The following GRID2 variants were observed in gnomAD, a reference collection of about 807,000 sequenced individuals.
GRID2 encodes the protein glutamate ionotropic receptor delta type subunit 2.
A neutral mutation model predicts 114.8 loss-of-function variants in GRID2; 33 were observed. That is an observed-to-expected ratio of 0.29 (90% CI 0.22 to 0.38). The LOEUF (loss-of-function observed/expected upper bound fraction) is 0.38. GRID2 is among the 10% of genes least tolerant of loss of function. The probability of loss-of-function intolerance (pLI) is 1.00; values close to 1 mark genes in which losing one functional copy is unlikely to be tolerated. For missense variants in GRID2, 1,184 were observed against 1,257.7 expected, an observed-to-expected ratio of 0.94 and a Z score of 0.89; for synonymous variants, 505 against 449.9, an observed-to-expected ratio of 1.12 and a Z score of -1.55.
intron 8 of GRID2, among the ~76,000 whole-genome samples, chr4:93,280,991 G>A (rs1375013100): frequency 6.6e-6 from 1 of 151,786 alleles, no homozygotes; most frequent in East Asian, 1.9e-4. Flanking sequence ...TTACATTCAG[G>A]TGAAGGCAGA....
chr4:93,083,340 G>T (rs886169830), intron 2 of GRID2, among the ~76,000 whole-genome samples: 6 of 152,046 alleles, frequency 3.9e-5, no homozygotes, highest in Admixed American at 3.3e-4. Flanking sequence ...TTGAATTCAT[G>T]AACATGACTA....
chr4:92,949,705 C>G (rs1751892080), intron 2 of GRID2, among the ~76,000 whole-genome samples: 1 of 151,680 alleles, frequency 6.6e-6, no homozygotes, highest in African/African-American at 2.4e-5. Context: ...GGTCAAATAT[C>G]TCAGTGTAGG....
rs116826832 is a variant in GRID2, at chr4:93,580,570, G to A, written c.2194-45699G>A. On this transcript the variant is annotated intron_variant, in intron 13 of 15. Transcript: ENST00000282020. ...CTTGATAACTGTTTTGTTGCACCAG[G>A]CATGAATGTTTTAGGCAGTTTTTTG... Among the ~76,000 whole-genome samples, 591 of 152,208 alleles carry A rather than the reference G, an allele frequency of 3.9e-3. 2 individuals are homozygous for A. Among genetic ancestry groups the A allele is most frequent in the African/African-American group, 0.014 (563 of 41,512 alleles).
intron 2 of GRID2, among the ~76,000 whole-genome samples, chr4:92,963,613 C>G (rs539691567): frequency 1.5e-3 from 230 of 152,096 alleles, no homozygotes; most frequent in African/African-American, 5.4e-3. Context: ...ACTTCTTCCA[C>G]TGAAGTATTG....
intron 12 of GRID2, among the ~76,000 whole-genome samples, chr4:93,510,348 G>A (rs906094618): frequency 6.6e-6 from 1 of 152,108 alleles, no homozygotes; most frequent in Non-Finnish European, 1.5e-5. Flanking sequence ...GGACAGAGAG[G>A]TTTATGAGAG....
At chr4:93,280,829 G>A (rs1361623630) in intron 8 of GRID2, among the ~76,000 whole-genome samples, 1 of 151,852 alleles carries the variant, frequency 6.6e-6, no homozygotes, top group Non-Finnish European at 1.5e-5. Context: ...TCTCTTTATT[G>A]TGGTTTATTG....
chr4:93,211,629 C>T (rs1167527811), intron 5 of GRID2, among the ~76,000 whole-genome samples: 1 of 152,134 alleles, frequency 6.6e-6, no homozygotes, highest in East Asian at 1.9e-4. Context: ...CCATCACCAT[C>T]ATTGAAACCG....
chr4:93,387,815 G>A (rs1201240697), intron 8 of GRID2, among the ~76,000 whole-genome samples: 2 of 139,532 alleles, frequency 1.4e-5, no homozygotes, highest in Non-Finnish European at 3.0e-5. Context: ...GGGCAACAGA[G>A]CAAGACTCTG....
chr4:93,042,760 T>G (rs1725722928), intron 2 of GRID2, among the ~76,000 whole-genome samples: 3 of 149,464 alleles, frequency 2.0e-5, no homozygotes. Context: ...GAAATTACAT[T>G]CCTAGCAACT....
chr4:92,963,662 C>G (rs1052542838), intron 2 of GRID2, among the ~76,000 whole-genome samples: 8 of 151,972 alleles, frequency 5.3e-5, no homozygotes, highest in Non-Finnish European at 1.2e-4. Flanking sequence ...GCATTAAATT[C>G]TTTCAGACTT....
At chr4:92,875,975 T>G (rs1486057815) in intron 2 of GRID2, among the ~76,000 whole-genome samples, 2 of 152,156 alleles carry the variant, frequency 1.3e-5, no homozygotes, top group African/African-American at 4.8e-5. Context: ...AGAGAGCGCC[T>G]TTACTGGGGC....
intron 13 of GRID2, among the ~76,000 whole-genome samples, chr4:93,594,655 C>T (rs1274148803): frequency 1.1e-4 from 17 of 150,296 alleles, no homozygotes; most frequent in African/African-American, 2.5e-4. Flanking sequence ...CCCCCAGCCT[C>T]GCTGCCACCT....
chr4:93,192,639 C>T (rs751909719), intron 4 of GRID2, among the ~76,000 whole-genome samples: 10 of 148,110 alleles, frequency 6.8e-5, no homozygotes, highest in African/African-American at 1.3e-4. Context: ...CCCAGCTACT[C>T]GGGAGGCTGA....
intron 1 of GRID2, among the ~76,000 whole-genome samples, chr4:92,387,950 A>G (rs1190836610): frequency 6.6e-6 from 1 of 152,076 alleles, no homozygotes; most frequent in Non-Finnish European, 1.5e-5. Context: ...GCTGGATTTC[A>G]GAGATACATT....
At chr4:93,045,248 A>G (rs1726019091) in intron 2 of GRID2, among the ~76,000 whole-genome samples, 1 of 152,090 alleles carries the variant, frequency 6.6e-6, no homozygotes, top group Non-Finnish European at 1.5e-5. Context: ...CCTTTTGTCT[A>G]GTTGGCCTTG....
chr4:92,913,264 T>C (rs150293722), intron 2 of GRID2, among the ~76,000 whole-genome samples: 1 of 151,984 alleles, frequency 6.6e-6, no homozygotes, highest in Non-Finnish European at 1.5e-5. Flanking sequence ...TGTGAAAGAA[T>C]CATCTGGAAA....
chr4:93,354,524 A>G (rs1761120731), intron 8 of GRID2, among the ~76,000 whole-genome samples: 2 of 151,966 alleles, frequency 1.3e-5, no homozygotes, highest in Admixed American at 6.6e-5. Context: ...AAGATTATAC[A>G]TTACCAATCC....
chr4:92,742,597 A>G lies in GRID2; in HGVS notation c.244+152311A>G, dbSNP rs189915802. 2.6e-5 allele frequency among the ~76,000 whole-genome samples: 4 copies of G among 152,286 alleles called. No individual in the cohort carries two copies. In the East Asian group the frequency reaches 7.7e-4, roughly 29 times the overall value. ...GTCCTGCATACATCTCTGTCTGTGT[A>G]CAGCAGAAAGTCCATTATGTTTGAT... is the stretch of plus-strand genomic sequence containing the variant. On this transcript the variant is annotated intron_variant, in intron 2 of 15. Transcript: ENST00000282020.
chr4:92,928,876 G>C (rs766423088), intron 2 of GRID2, among the ~76,000 whole-genome samples: 6 of 151,298 alleles, frequency 4.0e-5, no homozygotes, highest in Admixed American at 2.7e-4. Flanking sequence ...GTTATTTTTT[G>C]AGAACCATCT....
Sources: allele counts gnomAD v4.1 joint callset (sites outside exome capture counted in the v4.1 genomes callset), GRCh38; gene constraint gnomAD v4.1.1; transcripts MANE v1.5; gene names NCBI Gene and HGNC (gene_info 2026-07-23, HGNC 2026-07-21).